PLEKHA5: variants seen among roughly 807,000 people sequenced by gnomAD.
PLEKHA5 encodes the protein pleckstrin homology domain-containing family A member 5.
PLEKHA5 carries 55 observed loss-of-function variants against 181.9 expected under a neutral mutation model. The ratio of observed to expected loss-of-function variants is 0.30; its 90% CI spans 0.24 to 0.38. The LOEUF (loss-of-function observed/expected upper bound fraction) is 0.38. Ranked by LOEUF, PLEKHA5 falls within the 10% of genes least tolerant of loss-of-function variation. The pLI is 1.00. For synonymous variants in PLEKHA5, 535 were observed against 529.4 expected (o/e 1.01, Z -0.15); for missense variants, 1,432 against 1,549.5 (o/e 0.92, Z 1.27).
At chr12:19,191,627 A>G (rs954383367) in intron 3 of PLEKHA5, among the ~76,000 whole-genome samples, 2 of 152,224 alleles carry the variant, frequency 1.3e-5, no homozygotes, top group Non-Finnish European at 2.9e-5. Context: ...ACCTCTAAAC[A>G]TAATGCAATA....
chr12:19,366,217 A>G (rs1180438812), intron 30 of PLEKHA5, 108 bp downstream of exon 30: 26 of 885,328 alleles, frequency 2.9e-5, no homozygotes, highest in Non-Finnish European at 4.4e-5. Flanking sequence ...TACCTTGACT[A>G]CAGATGAGTC....
intron 30 of PLEKHA5, among the ~76,000 whole-genome samples, chr12:19,367,975 A>G (rs892698555): frequency 2.6e-5 from 4 of 152,072 alleles, no homozygotes; most frequent in African/African-American, 9.7e-5. Flanking sequence ...GTAAGAAACA[A>G]TGAAATTCAA....
At chr12:19,333,523 A>T (rs2093058190) in intron 20 of PLEKHA5, among the ~76,000 whole-genome samples, 1 of 151,558 alleles carries the variant, frequency 6.6e-6, no homozygotes, top group Non-Finnish European at 1.5e-5. Flanking sequence ...CGGGAGGCAG[A>T]GGTTGCAGTG....
chr12:19,345,957 T>C, intron 23 of PLEKHA5, 69 bp downstream of exon 23: 1 of 716,704 alleles, frequency 1.4e-6, no homozygotes, highest in Non-Finnish European at 2.4e-6. Flanking sequence ...GAAGTAATTG[T>C]CTTCTCTAAT....
intron 11 of PLEKHA5, among the ~76,000 whole-genome samples, chr12:19,280,092 C>T (rs963415397): frequency 5.4e-5 from 7 of 128,486 alleles, no homozygotes; most frequent in African/African-American, 2.1e-4. Context: ...CTCTGTTGGC[C>T]AGGCTGGAGT....
Position 19,357,618 on chromosome 12 carries a change from GGTTTGTTT to G in PLEKHA5, c.3139-588_3139-581del, listed in dbSNP as rs34121449. On this transcript the variant is annotated intron_variant, in intron 26 of 31. Coordinates refer to ENST00000429027, the MANE Select transcript of PLEKHA5 (RefSeq NM_001256470.2). ...AGATTTACTGGAACTGAGTTATGGG[GGTTTGTTT>G]GTTTGTTTGTTTGTTTGTTTGAGAT... Among the ~76,000 whole-genome samples, 41 of 151,034 alleles carry G rather than the reference GGTTTGTTT, an allele frequency of 2.7e-4. 1 individual carries two copies. Among genetic ancestry groups the G allele is most frequent in the South Asian group, 6.3e-4 (3 of 4,752 alleles).
chr12:19,195,651 TGAGA>T (rs1163963749), intron 3 of PLEKHA5, among the ~76,000 whole-genome samples: 1 of 113,116 alleles, frequency 8.8e-6, no homozygotes, highest in Non-Finnish European at 1.7e-5. Flanking sequence ...CCAGCCTGGG[TGAGA>T]GAGAGAGACC....
At chr12:19,293,104 CA>C (rs1366704256) in intron 15 of PLEKHA5, among the ~76,000 whole-genome samples, 1 of 151,944 alleles carries the variant, frequency 6.6e-6, no homozygotes, top group African/African-American at 2.4e-5. Flanking sequence ...TAGCTTGTTT[CA>C]AAATGTCCAA....
chr12:19,360,081 C>G (rs2095150506), intron 28 of PLEKHA5, among the ~76,000 whole-genome samples: 1 of 152,030 alleles, frequency 6.6e-6, no homozygotes, highest in African/African-American at 2.4e-5. Context: ...TGTGTAATCC[C>G]AGCACTTTGA....
At chr12:19,277,018 T>C (rs1459564114) in intron 11 of PLEKHA5, among the ~76,000 whole-genome samples, 2 of 152,150 alleles carry the variant, frequency 1.3e-5, no homozygotes, top group East Asian at 1.9e-4. Context: ...AATAAAAGAA[T>C]TAAGGCATAG....
At chr12:19,356,880 C>CT (rs1192972134) in intron 26 of PLEKHA5, among the ~76,000 whole-genome samples, 1 of 151,780 alleles carries the variant, frequency 6.6e-6, no homozygotes, top group Non-Finnish European at 1.5e-5. Flanking sequence ...AGGCTGGTCT[C>CT]TAACTCCTGA....
intron 3 of PLEKHA5, among the ~76,000 whole-genome samples, chr12:19,171,085 C>T (rs561340141): frequency 6.6e-6 from 1 of 152,228 alleles, no homozygotes; most frequent in African/African-American, 2.4e-5. Context: ...CTTGCTTTTT[C>T]CCATCCCCTA....
intron 20 of PLEKHA5, among the ~76,000 whole-genome samples, 198 bp from the exon 21 acceptor site, chr12:19,336,317 C>T (rs58504078): frequency 0.079 from 12,081 of 152,180 alleles, 538 homozygotes; most frequent in African/African-American, 0.12. Context: ...AAATAAACAG[C>T]AGCACAATAA....
At chr12:19,299,545 C>T (rs568862628) in intron 15 of PLEKHA5, among the ~76,000 whole-genome samples, 7 of 152,274 alleles carry the variant, frequency 4.6e-5, no homozygotes, top group East Asian at 3.9e-4. Flanking sequence ...TCACGTATCC[C>T]GTTTTATTGT....
intron 16 of PLEKHA5, among the ~76,000 whole-genome samples, chr12:19,316,000 A>G (rs2088512169): frequency 6.6e-6 from 1 of 152,198 alleles, no homozygotes; most frequent in Non-Finnish European, 1.5e-5. Flanking sequence ...AAACAGCTTT[A>G]CTTATCAAAA....
chr12:19,296,441 G>A (rs2079823989), intron 15 of PLEKHA5, among the ~76,000 whole-genome samples: 1 of 151,724 alleles, frequency 6.6e-6, no homozygotes, highest in Non-Finnish European at 1.5e-5. Context: ...CCAGCTACTT[G>A]GTAGGCTGAG....
At chr12:19,164,197 GTTTT>G (rs59712166) in intron 3 of PLEKHA5, among the ~76,000 whole-genome samples, 2 of 92,818 alleles carry the variant, frequency 2.2e-5, no homozygotes, top group African/African-American at 3.7e-5. Flanking sequence ...AGATGTTTTT[GTTTT>G]TTTTTTTTTT....
rs956111589 is a variant in PLEKHA5 at position 19,314,905 on chromosome 12, G to C, written c.2118+11G>C. 1 of 1,450,272 alleles carries C rather than the reference G, an allele frequency of 6.9e-7. No homozygotes were observed. The highest frequency in any genetic ancestry group is 1.4e-5 in the African/African-American group (1 of 71,036). 89.8% of individuals were successfully genotyped at this position (1,450,272 alleles called of 1,614,324 possible). ...CAACTGTACCAGCAAGTAAGGTCTT[G>C]GACAGTGAATGATACTGCTTTATCA... On this transcript the variant is annotated intron_variant, in intron 16 of 31. Coordinates refer to ENST00000429027, the MANE Select transcript of PLEKHA5 (RefSeq NM_001256470.2).
intron 18 of PLEKHA5, among the ~76,000 whole-genome samples, chr12:19,321,318 T>G (rs768204441): frequency 6.6e-6 from 1 of 151,206 alleles, no homozygotes; most frequent in Non-Finnish European, 1.5e-5. Flanking sequence ...CCATACATTC[T>G]TCACTCATTA....
Sources: gnomAD v4.1 joint callset for allele counts (sites outside exome capture counted in the v4.1 genomes callset) on GRCh38, gnomAD v4.1.1 for gene constraint, MANE v1.5 for transcripts, NCBI Gene and HGNC (gene_info 2026-07-23, HGNC 2026-07-21) for gene names.